PRKAG2: variants seen among roughly 807,000 people sequenced by gnomAD.
The protein encoded by PRKAG2 is 5'-AMP-activated protein kinase subunit gamma-2.
A neutral mutation model predicts 69.6 loss-of-function variants in PRKAG2; 26 were observed. The ratio of observed to expected loss-of-function variants is 0.37; its 90% CI spans 0.27 to 0.52. The LOEUF is 0.52. PRKAG2 is among the 20% of genes least tolerant of loss of function. The probability of loss-of-function intolerance (pLI) is 0.90; values close to 1 mark genes in which losing one functional copy is unlikely to be tolerated. For missense variants in PRKAG2, 557 were observed against 740.0 expected, an observed-to-expected ratio of 0.75 and a Z score of 2.87; for synonymous variants, 293 against 285.0, an observed-to-expected ratio of 1.03 and a Z score of -0.28.
At chr7:151,630,412 A>G (rs988900058) in intron 5 of PRKAG2, among the ~76,000 whole-genome samples, 2 of 152,264 alleles carry the variant, frequency 1.3e-5, no homozygotes, top group African/African-American at 4.8e-5. Context: ...CACTTAAGCG[A>G]TAATAGTAAC....
chr7:151,807,743 G>A lies in PRKAG2; in HGVS notation c.115-21202C>T, dbSNP rs765558481. 5.2e-5 allele frequency: 20 copies of A among 385,732 alleles called. No homozygotes were observed. The highest frequency in any genetic ancestry group is 7.8e-5 in the Non-Finnish European group (15 of 191,124). 23.9% of individuals were successfully genotyped at this position (385,732 alleles called of 1,614,324 possible). A position where few individuals can be genotyped will look rare whatever the true frequency, so the allele number is the denominator to read the frequency against. ...CAGCATTTCAGAGGAAGCCAGGAGC[G>A]AGAACTCGTGCATCCGAACCCTTCT... On this transcript the variant is annotated intron_variant, in intron 1 of 15. Transcript: ENST00000287878. The surrounding 1 kb of genome is among the most constrained non-coding windows in gnomAD (Gnocchi z 4.4).
intron 3 of PRKAG2, among the ~76,000 whole-genome samples, chr7:151,759,602 G>A (rs1163696158): frequency 6.6e-6 from 1 of 152,174 alleles, no homozygotes; most frequent in African/African-American, 2.4e-5. Context: ...CTTCTGTCTG[G>A]GAGGCGCATT....
At chr7:151,640,309 C>CAACAAA (rs1189321110) in intron 4 of PRKAG2, among the ~76,000 whole-genome samples, 2 of 152,048 alleles carry the variant, frequency 1.3e-5, no homozygotes, top group South Asian at 2.1e-4. Flanking sequence ...GACTCTGTCT[C>CAACAAA]AACAAAAACA....
chr7:151,608,738 AC>A (rs1404492285), intron 5 of PRKAG2, among the ~76,000 whole-genome samples: 11 of 152,068 alleles, frequency 7.2e-5, no homozygotes, highest in East Asian at 3.8e-4. Context: ...GTATAAAAAA[AC>A]AAAACAAAAC....
intron 3 of PRKAG2, among the ~76,000 whole-genome samples, chr7:151,715,322 CAAAAAA>C (rs34971340): frequency 0.019 from 1,160 of 62,454 alleles, 34 homozygotes; most frequent in African/African-American, 0.079. Flanking sequence ...GGCCTAAAAG[CAAAAAA>C]AAAAAAAAAA....
At chr7:151,745,369 T>C (rs895179902) in intron 3 of PRKAG2, among the ~76,000 whole-genome samples, 1 of 152,218 alleles carries the variant, frequency 6.6e-6, no homozygotes, top group Admixed American at 6.5e-5. Context: ...AGGTCACTGC[T>C]GCACTTGACT....
chr7:151,557,941 C>T, intron 15 of PRKAG2: 1 of 984,052 alleles, frequency 1.0e-6, no homozygotes, highest in Non-Finnish European at 1.2e-6. Flanking sequence ...ATAATTGCAC[C>T]TAACAAGTAT....
At position 151,677,716 on chromosome 7, in the gene PRKAG2, G is replaced by A. The variant is rs554017708; in HGVS notation, c.467-2079C>T. On this transcript the variant is annotated intron_variant, in intron 3 of 15. Transcript: ENST00000287878. ...CCAGCCAGAGTTTTGGCAATCACAT[G>A]TAGCCAACTGTTCCAACCGTGTTCA... Among the ~76,000 whole-genome samples, 13 of 152,302 alleles carry A rather than the reference G, an allele frequency of 8.5e-5. No individual in the cohort carries two copies. The South Asian group carries it at 2.7e-3, about 32-fold the overall frequency.
intron 3 of PRKAG2, among the ~76,000 whole-genome samples, chr7:151,761,962 C>A (rs977362274): frequency 2.0e-5 from 3 of 152,200 alleles, no homozygotes. Context: ...AAATCCCTAG[C>A]CGACTTCTCC....
intron 3 of PRKAG2, among the ~76,000 whole-genome samples, chr7:151,684,597 G>A (rs1208602550): frequency 6.6e-6 from 1 of 152,204 alleles, no homozygotes; most frequent in Non-Finnish European, 1.5e-5. Flanking sequence ...ACGTCTCCGG[G>A]AGAAGACCCT....
In PRKAG2 at chr7:151,836,295, A is replaced by C. The variant is rs988033979; in HGVS notation, c.114+40212T>G. 1.3e-5 allele frequency among the ~76,000 whole-genome samples: 2 copies of C among 152,172 alleles called. No homozygotes were observed. Among genetic ancestry groups the C allele is most frequent in the Non-Finnish European group, 2.9e-5 (2 of 68,022 alleles). On this transcript the variant is annotated intron_variant, in intron 1 of 15. Coordinates refer to ENST00000287878, the MANE Select transcript of PRKAG2 (RefSeq NM_016203.4). This position sits in a 1 kb window ranked among gnomAD's most constrained non-coding sequence, Gnocchi z 4.1. ...GCCACCCCCAGCACCAGCCCGAGAC[A>C]GACTGTGGTCTGACTGCAGGCTGAC...
rs1282095974 is a variant in PRKAG2, at chr7:151,675,651, A to G, written c.467-14T>C. 6.2e-7 allele frequency: 1 copy of G among 1,603,464 alleles called. No individual in the cohort carries two copies. Among genetic ancestry groups the G allele is most frequent in the Non-Finnish European group, 8.5e-7 (1 of 1,170,454 alleles). ...AGAGGCCGGAGGCTGCAGAAGAAAC[A>G]CCAAGGACGGTCAGAGGTCCGGCTT... is the stretch of plus-strand genomic sequence containing the variant. On this transcript the variant is annotated splice_polypyrimidine_tract_variant and intron_variant, in intron 3 of 15. Transcript: ENST00000287878.
chr7:151,725,752 C>T (rs1331832338), intron 3 of PRKAG2, among the ~76,000 whole-genome samples: 4 of 152,028 alleles, frequency 2.6e-5, no homozygotes, highest in Admixed American at 6.6e-5. Flanking sequence ...CCTCAGCACC[C>T]GGGGCCCCCA....
intron 6 of PRKAG2, among the ~76,000 whole-genome samples, chr7:151,586,758 G>A (rs997657329): frequency 2.0e-5 from 3 of 152,208 alleles, no homozygotes; most frequent in South Asian, 2.1e-4. Flanking sequence ...TAGGACCGGG[G>A]CTTCTCTTTC....
intron 1 of PRKAG2, among the ~76,000 whole-genome samples, chr7:151,830,247 C>G (rs1197204139): frequency 6.6e-6 from 1 of 151,546 alleles, no homozygotes; most frequent in Non-Finnish European, 1.5e-5. Context: ...AGGAACCTAT[C>G]TGTCCGCAGG....
Position 151,725,753 on chromosome 7 carries a change from G to A in PRKAG2, c.467-50116C>T, listed in dbSNP as rs193278458. On this transcript the variant is annotated intron_variant, in intron 3 of 15. Coordinates refer to ENST00000287878, the MANE Select transcript of PRKAG2 (RefSeq NM_016203.4). ...AAGTGTGGGGAAGACCTCAGCACCC[G>A]GGGCCCCCAGGGCTGCACAGGGGCT... Among the ~76,000 whole-genome samples, 299 of 152,192 alleles carry A rather than the reference G, an allele frequency of 2.0e-3. 1 individual carries two copies. Among genetic ancestry groups the A allele is most frequent in the Admixed American group, 4.2e-3 (64 of 15,296 alleles).
chr7:151,648,983 A>G (rs988317953), intron 4 of PRKAG2, among the ~76,000 whole-genome samples: 5 of 152,156 alleles, frequency 3.3e-5, no homozygotes, highest in Non-Finnish European at 7.3e-5. Context: ...CTCTTGACCG[A>G]AAGACGTAGT....
chr7:151,875,393 G>A (rs1265330718), intron 1 of PRKAG2, among the ~76,000 whole-genome samples: 3 of 152,352 alleles, frequency 2.0e-5, no homozygotes, highest in African/African-American at 7.2e-5. Context: ...ACACGGGGCA[G>A]TGCGCCCTGG....
intron 15 of PRKAG2, chr7:151,559,025 G>A (rs944238447): frequency 1.6e-5 from 16 of 985,302 alleles, no homozygotes; most frequent in Non-Finnish European, 1.9e-5. Flanking sequence ...CTGGAAACGG[G>A]GCATCTTTTT....
Sources: gnomAD v4.1 joint callset for allele counts (sites outside exome capture counted in the v4.1 genomes callset) on GRCh38, gnomAD v4.1.1 for gene constraint, Gnocchi (gnomAD v3.1) non-coding constraint, MANE v1.5 for transcripts, NCBI Gene and HGNC (gene_info 2026-07-23, HGNC 2026-07-21) for gene names.